The following TRAPPC9 variants were observed in gnomAD, a reference collection of about 807,000 sequenced individuals.
The protein encoded by TRAPPC9 is trafficking protein particle complex subunit 9.
TRAPPC9 carries 83 observed loss-of-function variants against 124.0 expected under a neutral mutation model. The observed-to-expected ratio is 0.67, with a 90% CI of 0.56 to 0.80. The LOEUF is 0.80. TRAPPC9 is among the 30% of genes least tolerant of loss of function. The pLI, the probability that TRAPPC9 is intolerant of heterozygous loss-of-function variation, is 0.00. For missense variants in TRAPPC9, 1,302 were observed against 1,508.3 expected, an observed-to-expected ratio of 0.86 and a Z score of 2.27; for synonymous variants, 638 against 617.5, an observed-to-expected ratio of 1.03 and a Z score of -0.49.
intron 17 of TRAPPC9, among the ~76,000 whole-genome samples, chr8:140,080,014 T>C (rs570757082): frequency 2.0e-5 from 3 of 152,116 alleles, no homozygotes; most frequent in Admixed American, 1.3e-4. Flanking sequence ...GGCATCACTT[T>C]CCCCTGGTCA....
intron 9 of TRAPPC9, among the ~76,000 whole-genome samples, chr8:140,321,557 G>C (rs116354196): frequency 0.013 from 1,910 of 152,334 alleles, 38 homozygotes; most frequent in African/African-American, 0.044. Flanking sequence ...GAAGCAGCAA[G>C]CTCTTCCTAG....
chr8:140,411,438 T>C (rs1207853919), intron 5 of TRAPPC9, among the ~76,000 whole-genome samples: 2 of 152,208 alleles, frequency 1.3e-5, no homozygotes, highest in Non-Finnish European at 2.9e-5. Flanking sequence ...GCCTCCCAGG[T>C]TCCAGCGATT....
chr8:140,108,644 C>T (rs1217141205), intron 17 of TRAPPC9, among the ~76,000 whole-genome samples: 1 of 152,170 alleles, frequency 6.6e-6, no homozygotes, highest in African/African-American at 2.4e-5. Context: ...TCAGACTCCC[C>T]GACCTTAGAA....
At chr8:140,440,972 C>CTTTTTTTTT (rs60379205) in intron 2 of TRAPPC9, among the ~76,000 whole-genome samples, 10 of 80,286 alleles carry the variant, frequency 1.2e-4, no homozygotes, top group African/African-American at 3.5e-4. Context: ...AACACTGTTA[C>CTTTTTTTTT]TTTTTTTTTT....
chr8:139,809,920 C>A (rs974625228), intron 21 of TRAPPC9, among the ~76,000 whole-genome samples: 4 of 152,214 alleles, frequency 2.6e-5, no homozygotes, highest in African/African-American at 9.7e-5. Flanking sequence ...CCCAGACCCT[C>A]TTCCCTGACT....
rs558033302 is a variant in TRAPPC9, at chr8:140,453,756, TAA to T, written c.-10-2375_-10-2374del. Among the ~76,000 whole-genome samples, 12 of 152,212 alleles carry T rather than the reference TAA, an allele frequency of 7.9e-5. No homozygotes were observed. In the South Asian group the frequency reaches 1.0e-3, roughly 13 times the overall value. ...CTGCCCTTTCCCCACAACGATTCCC[TAA>T]AGAGTCTTTTCTGCACACAAAAACC... On this transcript the variant is annotated intron_variant, in intron 1 of 22. Transcript: ENST00000438773.
chr8:140,264,441 G>A (rs2064546367), intron 15 of TRAPPC9, among the ~76,000 whole-genome samples: 1 of 152,036 alleles, frequency 6.6e-6, no homozygotes, highest in African/African-American at 2.4e-5. Flanking sequence ...TTCTGGTTTG[G>A]ATTTGCTATG....
intron 21 of TRAPPC9, among the ~76,000 whole-genome samples, chr8:139,814,374 G>A (rs1287454049): frequency 1.3e-5 from 2 of 152,210 alleles, no homozygotes; most frequent in Non-Finnish European, 2.9e-5. Flanking sequence ...GTCAGGAAAT[G>A]GGGGAGAAAT....
chr8:140,390,980 T>A (rs1161747753), intron 7 of TRAPPC9, among the ~76,000 whole-genome samples: 1 of 152,150 alleles, frequency 6.6e-6, no homozygotes, highest in Non-Finnish European at 1.5e-5. Context: ...TTCCCAAATC[T>A]CCCCGTGCCT....
chr8:140,041,802 T>C (rs1028641521), intron 17 of TRAPPC9, among the ~76,000 whole-genome samples: 1 of 152,166 alleles, frequency 6.6e-6, no homozygotes, highest in Non-Finnish European at 1.5e-5. Context: ...TAAAACCTCA[T>C]CTCTACTAAA....
intron 7 of TRAPPC9, among the ~76,000 whole-genome samples, chr8:140,378,760 G>A (rs1338528905): frequency 6.6e-6 from 1 of 152,140 alleles, no homozygotes; most frequent in African/African-American, 2.4e-5. Flanking sequence ...CAACTCCCAA[G>A]TCTGGGCAGG....
intron 15 of TRAPPC9, among the ~76,000 whole-genome samples, chr8:140,267,319 GA>G (rs1355284835): frequency 6.6e-6 from 1 of 152,238 alleles, no homozygotes; most frequent in Non-Finnish European, 1.5e-5. Flanking sequence ...GTGGTCTGCA[GA>G]AATGATGCAC....
intron 16 of TRAPPC9, among the ~76,000 whole-genome samples, chr8:140,249,927 G>C (rs755318723): frequency 2.6e-5 from 4 of 151,984 alleles, no homozygotes; most frequent in Admixed American, 6.6e-5. Flanking sequence ...ACTCTTAAAT[G>C]CTTCTGCATT....
At chr8:139,826,923 C>T (rs562678469) in intron 21 of TRAPPC9, among the ~76,000 whole-genome samples, 6 of 152,126 alleles carry the variant, frequency 3.9e-5, no homozygotes, top group South Asian at 2.1e-4. Flanking sequence ...GTTAGAAGCC[C>T]GGAGAGAATG....
chr8:140,028,482 A>G (rs963813561), intron 17 of TRAPPC9, among the ~76,000 whole-genome samples: 1 of 152,202 alleles, frequency 6.6e-6, no homozygotes. Context: ...AGAGCCCCAC[A>G]AGGGAAGTGC....
intron 17 of TRAPPC9, among the ~76,000 whole-genome samples, chr8:140,049,451 C>T (rs571784968): frequency 1.3e-5 from 2 of 152,088 alleles, no homozygotes; most frequent in Non-Finnish European, 2.9e-5. Context: ...TAGGGACCTG[C>T]GGAAGGCACA....
intron 9 of TRAPPC9, among the ~76,000 whole-genome samples, chr8:140,331,770 A>G (rs943772114): frequency 6.6e-6 from 1 of 152,204 alleles, no homozygotes; most frequent in African/African-American, 2.4e-5. Flanking sequence ...TCAAAACCAC[A>G]GTGAGAGATC....
rs948784252 is a variant in TRAPPC9 at position 140,252,365 on chromosome 8, A to G, written c.2431+412T>C. On this transcript the variant is annotated intron_variant, in intron 16 of 22. Transcript: ENST00000438773. This position sits in a 1 kb window ranked among gnomAD's most constrained non-coding sequence, Gnocchi z 4.2. ...TATCTCTAATCAGTCCTAATGTTACAACAAATATAAATTTCCATTTCTTCC... is the reference window on the plus strand; with the variant it reads ...TATCTCTAATCAGTCCTAATGTTACGACAAATATAAATTTCCATTTCTTCC... Among the ~76,000 whole-genome samples the G allele has an allele frequency of 1.3e-5, 2 of 152,140 alleles. No individual in the cohort carries two copies. Among genetic ancestry groups the G allele is most frequent in the African/African-American group, 4.8e-5 (2 of 41,438 alleles).
chr8:140,002,180 G>T (rs1838447822), intron 18 of TRAPPC9, among the ~76,000 whole-genome samples: 1 of 151,050 alleles, frequency 6.6e-6, no homozygotes, highest in Admixed American at 6.6e-5. Flanking sequence ...CAAATTTTTT[G>T]ATACCAAAAA....
Sources: gnomAD v4.1 joint callset for allele counts (sites outside exome capture counted in the v4.1 genomes callset) on GRCh38, gnomAD v4.1.1 for gene constraint, Gnocchi (gnomAD v3.1) non-coding constraint, MANE v1.5 for transcripts, NCBI Gene and HGNC (gene_info 2026-07-23, HGNC 2026-07-21) for gene names.